Variants in F8 observed in about 807,000 individuals in gnomAD.
F8 encodes the protein antihemophilic factor.
A neutral mutation model predicts 140.6 loss-of-function variants in F8; 12 were observed. That is an observed-to-expected ratio of 0.09 (90% CI 0.05 to 0.14). The LOEUF (loss-of-function observed/expected upper bound fraction) is 0.14. Ranked by LOEUF, F8 falls within the 10% of genes least tolerant of loss-of-function variation. F8 has a pLI of 1.00. For missense variants in F8, 1,354 were observed against 1,720.7 expected (o/e 0.79, Z 3.77); for synonymous variants, 585 against 614.6 (o/e 0.95, Z 0.71).
In F8 at chrX:155,001,583, C is replaced by T. The variant is rs1192743252; in HGVS notation, c.144-1983G>A. On this transcript the variant is annotated intron_variant, in intron 1 of 25. Transcript: ENST00000360256. ...GGGATTATAGGCATGAGGCACCATG[C>T]CCAGCCCAAGCATGTTTAAATATAC... 2.7e-5 allele frequency among the ~76,000 whole-genome samples: 3 copies of T among 111,051 alleles called. 1 individual carries two copies. The highest frequency in any genetic ancestry group is 5.7e-5 in the Non-Finnish European group (3 of 52,929).
At chrX:155,000,654 G>A (rs782817617) in intron 1 of F8, among the ~76,000 whole-genome samples, 3 of 111,739 alleles carry the variant, frequency 2.7e-5, no homozygotes, top group Admixed American at 9.5e-5. Flanking sequence ...GATATACATC[G>A]ATTCACTTAT....
At chrX:154,943,079 C>G (rs1300264411) in intron 13 of F8, among the ~76,000 whole-genome samples, 1 of 111,983 alleles carries the variant, frequency 8.9e-6, no homozygotes, top group Non-Finnish European at 1.9e-5. Flanking sequence ...TGGGCAAAAA[C>G]TGGAAGCATT....
intron 4 of F8, among the ~76,000 whole-genome samples, chrX:154,988,042 C>T (rs932881975): frequency 8.9e-6 from 1 of 111,886 alleles, no homozygotes; most frequent in East Asian, 2.8e-4. Context: ...TGCTACTCAT[C>T]AGGCTGGGAT....
chrX:154,943,177 G>C (rs1416839521), intron 13 of F8, among the ~76,000 whole-genome samples: 11 of 111,517 alleles, frequency 9.9e-5, no homozygotes, highest in African/African-American at 3.6e-4. Context: ...GGGCAATTAG[G>C]CAGGAGAAGG....
At chrX:154,888,406 T>TTTTC (rs1288957215) in intron 22 of F8, among the ~76,000 whole-genome samples, 1 of 73,730 alleles carries the variant, frequency 1.4e-5, no homozygotes, top group African/African-American at 6.6e-5. Context: ...TTTTTTTTTT[T>TTTTC]CCCCCCGAGA....
chrX:154,965,870 T>C (rs927743819), intron 9 of F8, 100 bp downstream of exon 9: 2 of 782,675 alleles, frequency 2.6e-6, no homozygotes. Context: ...TAAAAGATCA[T>C]GTCCATTGGA....
At chrX:154,946,914 GA>G (rs1270136294) in intron 13 of F8, among the ~76,000 whole-genome samples, 3 of 111,540 alleles carry the variant, frequency 2.7e-5, no homozygotes, top group Non-Finnish European at 5.7e-5. Context: ...ACAAAGATCT[GA>G]ATAGACATTT....
At chrX:154,869,883 A>C (rs1042967227) in intron 22 of F8, among the ~76,000 whole-genome samples, 2 of 112,257 alleles carry the variant, frequency 1.8e-5, no homozygotes, top group Non-Finnish European at 3.8e-5. Context: ...GATCCCACAG[A>C]AATACAAACT....
At chrX:154,968,596 C>A (rs1455198009) in intron 7 of F8, among the ~76,000 whole-genome samples, 2 of 111,913 alleles carry the variant, frequency 1.8e-5, no homozygotes, top group Non-Finnish European at 3.8e-5. Flanking sequence ...GCACAACTAG[C>A]AGTTACAAAT....
chrX:154,877,132 C>A (rs1402795349), intron 22 of F8, among the ~76,000 whole-genome samples: 1 of 111,978 alleles, frequency 8.9e-6, no homozygotes, highest in Non-Finnish European at 1.9e-5. Context: ...GTGACTAAAC[C>A]GTATGTGCTA....
intron 13 of F8, among the ~76,000 whole-genome samples, chrX:154,941,461 G>A (rs1267523205): frequency 1.8e-5 from 2 of 110,961 alleles, no homozygotes; most frequent in Non-Finnish European, 3.8e-5. Flanking sequence ...AACAAGAAGA[G>A]CTAACTATCC....
intron 14 of F8, among the ~76,000 whole-genome samples, chrX:154,907,585 CA>C (rs1161016143): frequency 1.8e-5 from 2 of 111,998 alleles, no homozygotes. Context: ...CAAATTATTA[CA>C]AATATCTGGT....
In F8 at chrX:154,835,894, C is replaced by G. The variant is rs1443757281; in HGVS notation, c.*1703G>C. ...TTTGAGAAATAGAGATGTATATAGT[C>G]AATGGGAAAAGAATGCCAAAATAAG... On this transcript the variant is annotated 3_prime_UTR_variant, in exon 26 of 26. Transcript: ENST00000360256. 8.9e-6 allele frequency: 1 copy of G among 112,065 alleles called. No individual in the cohort carries two copies. Among genetic ancestry groups the G allele is most frequent in the East Asian group, 2.8e-4 (1 of 3,591 alleles). The allele number at this position is 112,065 out of a possible 1,213,427, so 9.2% of individuals were successfully genotyped here.
At chrX:154,903,231 A>G (rs966328857) in intron 18 of F8, among the ~76,000 whole-genome samples, 1 of 110,380 alleles carries the variant, frequency 9.1e-6, no homozygotes, top group African/African-American at 3.3e-5. Flanking sequence ...GTTTGAGTGC[A>G]GTGGCACTTT....
intron 1 of F8, among the ~76,000 whole-genome samples, chrX:155,007,016 G>A (rs1383762850): frequency 1.6e-4 from 14 of 88,418 alleles, no homozygotes; most frequent in Non-Finnish European, 2.4e-4. Context: ...TCCATTCCAG[G>A]GTTTCTGGGA....
At chrX:154,938,054 T>A (rs2073233960) in intron 13 of F8, among the ~76,000 whole-genome samples, 1 of 112,034 alleles carries the variant, frequency 8.9e-6, no homozygotes, top group African/African-American at 3.2e-5. Flanking sequence ...ATATAAGAGA[T>A]CAGGGGTTGG....
intron 13 of F8, among the ~76,000 whole-genome samples, chrX:154,933,253 G>A (rs2073207575): frequency 8.9e-6 from 1 of 111,910 alleles, no homozygotes; most frequent in Non-Finnish European, 1.9e-5. Context: ...TACAAAATTT[G>A]AAGTAAGAAA....
chrX:154,907,025 CAGATCAGTA>C (rs2073041905), intron 14 of F8, among the ~76,000 whole-genome samples: 1 of 111,742 alleles, frequency 8.9e-6, no homozygotes, highest in African/African-American at 3.3e-5. Flanking sequence ...AATCATCACC[CAGATCAGTA>C]ACATTGCCAA....
intron 14 of F8, among the ~76,000 whole-genome samples, chrX:154,910,743 C>T (rs1348170507): frequency 3.6e-5 from 4 of 110,608 alleles, no homozygotes; most frequent in South Asian, 4.0e-4. Flanking sequence ...TCCCCCAGCC[C>T]GACACCCGTA....
Sources: gnomAD v4.1 joint callset for allele counts (sites outside exome capture counted in the v4.1 genomes callset) on GRCh38, gnomAD v4.1.1 for gene constraint, MANE v1.5 for transcripts, NCBI Gene and HGNC (gene_info 2026-07-23, HGNC 2026-07-21) for gene names.